Variants in ADAMTS12 observed in about 807,000 individuals in gnomAD.
ADAMTS12 encodes ADAM metallopeptidase with thrombospondin type 1 motif 12.
Under a neutral mutation model 167.8 loss-of-function variants are expected in ADAMTS12, and 118 were observed. That is an observed-to-expected ratio of 0.70 (90% CI 0.61 to 0.82). The LOEUF (loss-of-function observed/expected upper bound fraction) is 0.82. Among genes scored for constraint, ADAMTS12 ranks in the 40% least tolerant of loss-of-function variants. ADAMTS12 has a pLI of 0.00. For missense variants in ADAMTS12, 1,916 were observed against 1,998.8 expected (o/e 0.96, Z 0.79); for synonymous variants, 704 against 716.9 (o/e 0.98, Z 0.29).
chr5:33,705,981 A>G (rs1743189077), intron 3 of ADAMTS12, among the ~76,000 whole-genome samples: 1 of 152,198 alleles, frequency 6.6e-6, no homozygotes, highest in African/African-American at 2.4e-5. Flanking sequence ...TGAAGAGGAC[A>G]CAAACTGATC....
intron 20 of ADAMTS12, among the ~76,000 whole-genome samples, chr5:33,550,006 T>A (rs888402449): frequency 1.3e-5 from 2 of 152,206 alleles, no homozygotes; most frequent in East Asian, 3.8e-4. Flanking sequence ...ACCGTCACCA[T>A]TCCTCCTGCA....
intron 2 of ADAMTS12, among the ~76,000 whole-genome samples, chr5:33,772,338 C>T (rs963489547): frequency 1.3e-5 from 2 of 152,180 alleles, no homozygotes; most frequent in Non-Finnish European, 2.9e-5. Context: ...TGCCATTCAT[C>T]CTTGGTGCTC....
intron 23 of ADAMTS12, among the ~76,000 whole-genome samples, chr5:33,528,849 AG>A (rs1743956353): frequency 6.6e-6 from 1 of 152,206 alleles, no homozygotes; most frequent in Non-Finnish European, 1.5e-5. Flanking sequence ...ATTCGAGACT[AG>A]TCTAGCCAAC....
At chr5:33,597,234 G>A (rs563991553) in intron 16 of ADAMTS12, among the ~76,000 whole-genome samples, 52 of 152,226 alleles carry the variant, frequency 3.4e-4, no homozygotes, top group Non-Finnish European at 6.8e-4. Context: ...ATGGACTGAA[G>A]TGAAGGGGCA....
At chr5:33,778,097 C>T (rs1745982213) in intron 2 of ADAMTS12, among the ~76,000 whole-genome samples, 1 of 152,012 alleles carries the variant, frequency 6.6e-6, no homozygotes, top group Non-Finnish European at 1.5e-5. Context: ...ATCAGTACTA[C>T]CCAAAGCAAT....
At chr5:33,860,374 T>C (rs1749564222) in intron 2 of ADAMTS12, among the ~76,000 whole-genome samples, 1 of 151,952 alleles carries the variant, frequency 6.6e-6, no homozygotes, top group Non-Finnish European at 1.5e-5. Context: ...CATACACAAG[T>C]ATCAATAACC....
chr5:33,861,108 G>A (rs1320738905), intron 2 of ADAMTS12, among the ~76,000 whole-genome samples: 1 of 152,174 alleles, frequency 6.6e-6, no homozygotes, highest in Non-Finnish European at 1.5e-5. Flanking sequence ...TCAACACTAT[G>A]AAGAAACTGC....
In ADAMTS12 at chr5:33,563,522, G is replaced by A. The variant is rs73078381; in HGVS notation, c.3973-2343C>T. On this transcript the variant is annotated intron_variant, in intron 19 of 23. Coordinates refer to ENST00000504830, the MANE Select transcript of ADAMTS12 (RefSeq NM_030955.4). ...GACCCTGTGGCGACTGACTAACCAA[G>A]TCAAAGGTCAGCATCCAGGTGTTCA... is the stretch of plus-strand genomic sequence containing the variant. Among the ~76,000 whole-genome samples, 360 of 152,324 alleles carry A rather than the reference G, an allele frequency of 2.4e-3. 1 individual carries two copies. Among genetic ancestry groups the A allele is most frequent in the African/African-American group, 8.3e-3 (346 of 41,568 alleles).
At chr5:33,693,807 G>A (rs1335704989) in intron 3 of ADAMTS12, among the ~76,000 whole-genome samples, 1 of 152,156 alleles carries the variant, frequency 6.6e-6, no homozygotes, top group Non-Finnish European at 1.5e-5. Flanking sequence ...AGTACTGGGA[G>A]TCTTAGCCAA....
At chr5:33,781,146 TAGAC>T (rs934119974) in intron 2 of ADAMTS12, among the ~76,000 whole-genome samples, 26 of 152,090 alleles carry the variant, frequency 1.7e-4, no homozygotes, top group African/African-American at 4.3e-4. Flanking sequence ...GGTAAGAAAA[TAGAC>T]AGCTCCAATT....
intron 17 of ADAMTS12, among the ~76,000 whole-genome samples, chr5:33,593,316 C>G (rs572422156): frequency 2.0e-5 from 3 of 152,206 alleles, no homozygotes; most frequent in African/African-American, 7.2e-5. Context: ...ACCTGCTTAT[C>G]CTGAGATCCT....
chr5:33,734,791 A>G (rs931138409), intron 3 of ADAMTS12, among the ~76,000 whole-genome samples: 1 of 152,190 alleles, frequency 6.6e-6, no homozygotes, highest in African/African-American at 2.4e-5. Context: ...AGAAACATCA[A>G]CTGGGGTGTC....
At chr5:33,698,882 C>T (rs190164891) in intron 3 of ADAMTS12, among the ~76,000 whole-genome samples, 12 of 151,716 alleles carry the variant, frequency 7.9e-5, no homozygotes, top group Admixed American at 3.9e-4. Context: ...TCTGGCTGGG[C>T]GTGGTGGCTT....
At chr5:33,547,705 G>C (rs906176192) in intron 21 of ADAMTS12, among the ~76,000 whole-genome samples, 1 of 152,128 alleles carries the variant, frequency 6.6e-6, no homozygotes, top group Non-Finnish European at 1.5e-5. Context: ...CAGGGAGCAG[G>C]TTCCTGATGG....
intron 12 of ADAMTS12, 68 bp downstream of exon 12, chr5:33,637,509 G>T: frequency 6.7e-7 from 1 of 1,495,700 alleles, no homozygotes. Flanking sequence ...CAGAAACCCT[G>T]ACTGACATAC....
intron 2 of ADAMTS12, among the ~76,000 whole-genome samples, chr5:33,845,328 C>T (rs547477328): frequency 1.3e-3 from 191 of 152,238 alleles, no homozygotes; most frequent in Non-Finnish European, 2.1e-3. Flanking sequence ...CAAAATGACC[C>T]TAGAACATCT....
In ADAMTS12 at chr5:33,578,545, A is replaced by G. The variant is rs1746879197; in HGVS notation, c.2866-1385T>C. 2.0e-5 allele frequency among the ~76,000 whole-genome samples: 3 copies of G among 152,204 alleles called. No homozygotes were observed. The South Asian group carries it at 6.2e-4, about 32-fold the overall frequency. ...ATGGAATTCCAGGATAGTTCTGAGG[A>G]CACAGTGATCACCTTATACATATTA... On this transcript the variant is annotated intron_variant, in intron 18 of 23. Transcript: ENST00000504830.
rs765082699 is a variant in ADAMTS12 at position 33,561,126 on chromosome 5, G to A, written c.4026C>T (p.Thr1342=). The stretch of plus-strand genomic sequence containing the variant: ...TGGCCGCACAGTCAGAATCCATCTG[G>A]GTGCTGCACTCCACCCTTCTCCAGT... ...GAYWRRVECS[T]QMDSDCAAIQ... Residue 1342 remains threonine (T), a synonymous_variant, in exon 20 of 24, where the codon ACC becomes ACT. Transcript: ENST00000504830. The A allele has an allele frequency of 6.2e-7, 1 of 1,614,106 alleles. No individual in the cohort carries two copies. The highest frequency in any genetic ancestry group is 8.5e-7 in the Non-Finnish European group (1 of 1,180,014).
chr5:33,639,734 T>C (rs750958384), intron 11 of ADAMTS12, among the ~76,000 whole-genome samples: 2 of 152,126 alleles, frequency 1.3e-5, no homozygotes, highest in African/African-American at 4.8e-5. Flanking sequence ...GACAGAGAAC[T>C]CAAATCCTGG....
Sources: allele counts gnomAD v4.1 joint callset (sites outside exome capture counted in the v4.1 genomes callset), GRCh38; gene constraint gnomAD v4.1.1; transcripts MANE v1.5; gene names NCBI Gene and HGNC (gene_info 2026-07-23, HGNC 2026-07-21).